Variants in CNTNAP2 observed in about 807,000 individuals in gnomAD.
The protein encoded by CNTNAP2 is contactin associated protein 2.
CNTNAP2 carries 98 observed loss-of-function variants against 155.2 expected under a neutral mutation model. That is an observed-to-expected ratio of 0.63 (90% CI 0.54 to 0.75). CNTNAP2 has a LOEUF of 0.75. CNTNAP2 is among the 30% of genes least tolerant of loss of function. CNTNAP2 has a pLI of 0.00. For missense variants in CNTNAP2, 1,727 were observed against 1,688.1 expected (o/e 1.02, Z -0.40); for synonymous variants, 651 against 631.2 (o/e 1.03, Z -0.47).
chr7:147,400,572 T>C (rs754468093), intron 10 of CNTNAP2, among the ~76,000 whole-genome samples: 9 of 152,214 alleles, frequency 5.9e-5, no homozygotes, highest in Non-Finnish European at 1.3e-4. Flanking sequence ...CTGTGGTTTC[T>C]GTTTCAGTCC....
At chr7:148,288,709 C>G (rs1797134314) in intron 21 of CNTNAP2, among the ~76,000 whole-genome samples, 1 of 151,946 alleles carries the variant, frequency 6.6e-6, no homozygotes, top group Admixed American at 6.6e-5. Flanking sequence ...ATTCCCCCTG[C>G]TTCCTTTTCA....
chr7:147,112,387 G>C (rs901595511), intron 5 of CNTNAP2, among the ~76,000 whole-genome samples: 1 of 152,064 alleles, frequency 6.6e-6, no homozygotes, highest in Admixed American at 6.5e-5. Context: ...GATTGCCCTG[G>C]CCAGGATAGC....
chr7:146,273,120 A>G (rs1357526844), intron 1 of CNTNAP2, among the ~76,000 whole-genome samples: 2 of 150,594 alleles, frequency 1.3e-5, no homozygotes, highest in Non-Finnish European at 2.9e-5. Context: ...GAGATCAGAA[A>G]GGAGACATGG....
In CNTNAP2 at chr7:146,395,640, C is replaced by T. The variant is rs372059380; in HGVS notation, c.97+278667C>T. On this transcript the variant is annotated intron_variant, in intron 1 of 23. Transcript: ENST00000361727. The stretch of plus-strand genomic sequence containing the variant: ...TATTCTAAATCACCTTAGATTAATG[C>T]CAGTAAATACCAAGACAGTTAAAAA... 5.9e-5 allele frequency among the ~76,000 whole-genome samples: 9 copies of T among 152,076 alleles called. No homozygotes were observed. In the East Asian group the frequency reaches 1.7e-3, roughly 29 times the overall value.
intron 10 of CNTNAP2, among the ~76,000 whole-genome samples, chr7:147,431,002 C>T (rs950474757): frequency 2.0e-5 from 3 of 150,796 alleles, no homozygotes; most frequent in South Asian, 2.1e-4. Context: ...AAGCCGAGAT[C>T]ACGCCCCTCC....
chr7:147,970,189 G>A (rs1801309832), intron 14 of CNTNAP2, among the ~76,000 whole-genome samples: 1 of 152,004 alleles, frequency 6.6e-6, no homozygotes, highest in African/African-American at 2.4e-5. Flanking sequence ...GGGATTACAA[G>A]CATGAGACAC....
rs370018150 is a variant in CNTNAP2, at chr7:146,535,127, TATA to T, written c.98-239140_98-239138del. Among the ~76,000 whole-genome samples, 2 of 19,826 alleles carry T rather than the reference TATA, an allele frequency of 1.0e-4. 1 individual carries two copies. Among genetic ancestry groups the T allele is most frequent in the Non-Finnish European group, 1.4e-4 (2 of 14,806 alleles). 13.0% of individuals were successfully genotyped at this position (19,826 alleles called of 152,430 possible). The stretch of plus-strand genomic sequence containing the variant: ...TTATATATATATGATATATATCATA[TATA>T]ATATATTATATTATATCATATATAA... On this transcript the variant is annotated intron_variant, in intron 1 of 23. Coordinates refer to ENST00000361727, the MANE Select transcript of CNTNAP2 (RefSeq NM_014141.6).
chr7:146,640,540 G>A lies in CNTNAP2; in HGVS notation c.98-133731G>A, dbSNP rs577521982. 1.1e-3 allele frequency among the ~76,000 whole-genome samples: 168 copies of A among 152,304 alleles called. 1 individual carries two copies. Among genetic ancestry groups the A allele is most frequent in the Middle Eastern group, 3.4e-3 (1 of 294 alleles). On this transcript the variant is annotated intron_variant, in intron 1 of 23. Transcript: ENST00000361727. Reference sequence around the variant, plus strand: ...AAGTGGAGTGGCAAAATGTACATGAGGAGGGAAATTTAGCAAATTAGTTTA... The same window carrying A: ...AAGTGGAGTGGCAAAATGTACATGAAGAGGGAAATTTAGCAAATTAGTTTA...
intron 1 of CNTNAP2, among the ~76,000 whole-genome samples, chr7:146,566,419 G>C (rs139225530): frequency 6.6e-6 from 1 of 152,058 alleles, no homozygotes; most frequent in South Asian, 2.1e-4. Flanking sequence ...TAGTGGAAGC[G>C]CTTTTATCTT....
intron 8 of CNTNAP2, among the ~76,000 whole-genome samples, chr7:147,204,949 T>C (rs1798433514): frequency 6.6e-6 from 1 of 152,094 alleles, no homozygotes; most frequent in South Asian, 2.1e-4. Flanking sequence ...AATGGGTGGA[T>C]TTATATCTGG....
At chr7:147,144,162 G>A (rs188215939) in intron 8 of CNTNAP2, among the ~76,000 whole-genome samples, 3 of 152,088 alleles carry the variant, frequency 2.0e-5, no homozygotes, top group African/African-American at 7.2e-5. Flanking sequence ...AAGTGAAATG[G>A]CATCTATTGA....
At chr7:146,274,676 T>C (rs1800136192) in intron 1 of CNTNAP2, among the ~76,000 whole-genome samples, 1 of 152,096 alleles carries the variant, frequency 6.6e-6, no homozygotes, top group Admixed American at 6.6e-5. Flanking sequence ...AGCAATCGGT[T>C]TTCCATGGAT....
intron 1 of CNTNAP2, among the ~76,000 whole-genome samples, chr7:146,693,801 G>A (rs1800737225): frequency 6.6e-6 from 1 of 152,066 alleles, no homozygotes; most frequent in African/African-American, 2.4e-5. Context: ...CGTGTGCCAT[G>A]GTGGTTTGTA....
intron 9 of CNTNAP2, among the ~76,000 whole-genome samples, chr7:147,369,864 TAAC>T (rs1311892476): frequency 6.6e-6 from 1 of 152,136 alleles, no homozygotes; most frequent in African/African-American, 2.4e-5. Flanking sequence ...CCTGCATAAA[TAAC>T]AAATCGAATT....
chr7:148,117,219 A>G (rs962355480), intron 15 of CNTNAP2, among the ~76,000 whole-genome samples: 2 of 152,142 alleles, frequency 1.3e-5, no homozygotes, highest in Non-Finnish European at 2.9e-5. Context: ...CATCTTCTCC[A>G]AGAGCTCAAG....
At chr7:146,981,001 C>T (rs958705989) in intron 3 of CNTNAP2, among the ~76,000 whole-genome samples, 1 of 152,182 alleles carries the variant, frequency 6.6e-6, no homozygotes, top group Admixed American at 6.5e-5. Context: ...TACTCATATT[C>T]CCTAGGCACA....
chr7:148,135,667 G>T (rs1292621330), intron 16 of CNTNAP2, among the ~76,000 whole-genome samples: 2 of 151,446 alleles, frequency 1.3e-5, no homozygotes, highest in African/African-American at 2.4e-5. Context: ...TGGTCAACAT[G>T]GCAAAACCCT....
intron 14 of CNTNAP2, among the ~76,000 whole-genome samples, chr7:147,921,651 T>C (rs1014868894): frequency 3.9e-5 from 6 of 152,186 alleles, no homozygotes; most frequent in Non-Finnish European, 1.5e-5. Flanking sequence ...CTTTGAGAAG[T>C]TACTTGACTT....
chr7:148,338,773 G>A (rs1288105694), intron 21 of CNTNAP2, among the ~76,000 whole-genome samples: 1 of 152,136 alleles, frequency 6.6e-6, no homozygotes, highest in Non-Finnish European at 1.5e-5. Flanking sequence ...TGAAAAGTGT[G>A]GGATTTAAGG....
Sources: gnomAD v4.1 joint callset for allele counts (sites outside exome capture counted in the v4.1 genomes callset) on GRCh38, gnomAD v4.1.1 for gene constraint, MANE v1.5 for transcripts, NCBI Gene and HGNC (gene_info 2026-07-23, HGNC 2026-07-21) for gene names.